The following USP6 variants were observed in gnomAD, a reference collection of about 807,000 sequenced individuals.
USP6 encodes the protein ubiquitin carboxyl-terminal hydrolase 6.
Under a neutral mutation model 175.7 loss-of-function variants are expected in USP6, and 128 were observed. The ratio of observed to expected loss-of-function variants is 0.73; its 90% confidence interval spans 0.63 to 0.84. The LOEUF is 0.84. USP6 is among the 40% of genes least tolerant of loss of function. The pLI, the probability that USP6 is intolerant of heterozygous loss-of-function variation, is 0.00. For synonymous variants in USP6, 562 were observed against 630.6 expected (o/e 0.89, Z 1.63); for missense variants, 1,498 against 1,760.3 (o/e 0.85, Z 2.67).
chr17:5,168,001 T>C lies in USP6; in HGVS notation c.3106T>C (p.Cys1036Arg). Residue 1036 changes from cysteine to arginine, a missense_variant, in exon 34 of 38, where the codon TGT becomes CGT. Around this residue, in one of 2 missense-constraint regions of USP6, gnomAD observed 1,217 missense variants for 1,500.8 expected, o/e 0.81. Coordinates refer to ENST00000574788, the MANE Select transcript of USP6 (RefSeq NM_001304284.2). ...AGCCGAGCCCATCAACCTGGACAGC[T>C]GTCTCCGTGCTTTCACCAGTGAGGA... Reference protein sequence around the residue: ...AQAEPINLDSCLRAFTSEEEL... With the variant: ...AQAEPINLDSRLRAFTSEEEL... 3.7e-6 allele frequency: 6 copies of C among 1,612,004 alleles called. No individual in the cohort carries two copies. The South Asian group carries it at 6.6e-5, about 18-fold the overall frequency.
At chr17:5,156,127 T>G (rs2073878742) in intron 31 of USP6, among the ~76,000 whole-genome samples, 1 of 152,196 alleles carries the variant, frequency 6.6e-6, no homozygotes, top group African/African-American at 2.4e-5. Flanking sequence ...TACCATGTCA[T>G]TTTAACGTGA....
At chr17:5,138,358 A>C in intron 21 of USP6, 85 bp downstream of exon 21, 1 of 1,593,934 alleles carries the variant, frequency 6.3e-7, no homozygotes, top group South Asian at 1.1e-5. Flanking sequence ...CAACCCTACT[A>C]CCTGGGCCTT....
chr17:5,142,110 A>G lies in USP6; in HGVS notation c.1681A>G (p.Ile561Val). ...CACACAGCCACTGACACAGTATTTT[A>G]TCTCAGGGAGACATCTTTATGAACT... ...SNTQPLTQYF[I>V]SGRHLYELNR... is the part of the protein sequence containing the mutation. The change falls in exon 24 of 38, where the codon ATC (isoleucine) becomes GTC (valine). Residue 561 changes from isoleucine to valine, a missense_variant. Coordinates refer to ENST00000574788, the MANE Select transcript of USP6 (RefSeq NM_001304284.2). The G allele has an allele frequency of 6.2e-7, 1 of 1,613,468 alleles. No homozygotes were observed.
chr17:5,132,728 G>A lies in USP6; in HGVS notation c.196-182G>A, dbSNP rs75729001. Among the ~76,000 whole-genome samples the A allele has an allele frequency of 1.3e-5, 2 of 152,180 alleles. No individual in the cohort carries two copies. Among genetic ancestry groups the A allele is most frequent in the South Asian group, 2.1e-4 (1 of 4,818 alleles). ...CTGTGGCCTGAGGATGGCATGTCCC[G>A]GGGTCCCAAAGCCAGCCCATTGGTG... On this transcript the variant is annotated intron_variant, in intron 12 of 37. Transcript: ENST00000574788. The surrounding 1 kb of genome is among the most constrained non-coding windows in gnomAD (Gnocchi z 4.7).
At chr17:5,140,181 T>A (rs2073402137) in intron 22 of USP6, among the ~76,000 whole-genome samples, 1 of 152,168 alleles carries the variant, frequency 6.6e-6, no homozygotes, top group African/African-American at 2.4e-5. Context: ...TGATTTTAGA[T>A]ATACAGAAAT....
intron 21 of USP6, 35 bp downstream of exon 21, chr17:5,138,308 C>T: frequency 6.2e-7 from 1 of 1,611,624 alleles, no homozygotes; most frequent in Non-Finnish European, 8.5e-7. Context: ...CCCATGTCAG[C>T]CTCTGGGGCA....
Position 5,173,380 on chromosome 17 carries a change from A to T in USP6, c.*402A>T. ...ACAATTATAATGTTGTCTAGGGACG[A>T]CATGATACGCTACCTCCTTTTTCCT... On this transcript the variant is annotated 3_prime_UTR_variant, in exon 38 of 38. Transcript: ENST00000574788. 4.3e-6 allele frequency: 1 copy of T among 230,556 alleles called. No homozygotes were observed. The highest frequency in any genetic ancestry group is 8.6e-6 in the Non-Finnish European group (1 of 116,556). 14.3% of individuals were successfully genotyped at this position (230,556 alleles called of 1,614,324 possible).
chr17:5,137,513 C>T (rs1183695329), intron 19 of USP6, 138 bp from the exon 20 acceptor site: 1 of 900,816 alleles, frequency 1.1e-6, no homozygotes, highest in African/African-American at 1.7e-5. Flanking sequence ...CCTTTTCTGA[C>T]TCAGCATTCT....
At position 5,132,540 on chromosome 17, in the gene USP6, A is replaced by C; in HGVS notation, c.195+105A>C. The C allele has an allele frequency of 1.3e-6, 2 of 1,588,370 alleles. No individual in the cohort carries two copies. The highest frequency in any genetic ancestry group is 1.7e-5 in the Admixed American group (1 of 59,960). ...GGCCTGGGCGGTGGCGGGTGAGGGC[A>C]ACACGCTGTCACTGGGAGGGGCAGC... On this transcript the variant is annotated intron_variant, in intron 12 of 37. Coordinates refer to ENST00000574788, the MANE Select transcript of USP6 (RefSeq NM_001304284.2). The surrounding 1 kb of genome is among the most constrained non-coding windows in gnomAD (Gnocchi z 4.7).
At chr17:5,119,361 A>G (rs557268239) in intron 2 of USP6, among the ~76,000 whole-genome samples, 140 of 152,362 alleles carry the variant, frequency 9.2e-4, no homozygotes, top group Non-Finnish European at 5.6e-4. Flanking sequence ...AGCTTCTGCT[A>G]CCTATAAAAG....
intron 22 of USP6, 95 bp downstream of exon 22, chr17:5,139,769 T>C: frequency 6.3e-7 from 1 of 1,595,984 alleles, no homozygotes; most frequent in Non-Finnish European, 8.5e-7. Flanking sequence ...GGATACCTCC[T>C]TTGCAGCTAG....
chr17:5,155,711 G>A (rs150556565), intron 31 of USP6, 105 bp downstream of exon 31: 123 of 1,081,950 alleles, frequency 1.1e-4, no homozygotes, highest in Middle Eastern at 1.1e-3. Context: ...CAAGTTTGGC[G>A]CCCAGCCAAA....
At chr17:5,153,134 T>C (rs1238231456) in intron 30 of USP6, among the ~76,000 whole-genome samples, 1 of 152,256 alleles carries the variant, frequency 6.6e-6, no homozygotes, top group Non-Finnish European at 1.5e-5. Context: ...AAGTGATTAC[T>C]GTAACATTTA....
chr17:5,119,220 C>A (rs1381189801), intron 2 of USP6, among the ~76,000 whole-genome samples: 7 of 152,202 alleles, frequency 4.6e-5, no homozygotes, highest in Non-Finnish European at 2.9e-5. Context: ...GGTTCTTTAG[C>A]TGTTTAAAAT....
chr17:5,140,558 G>A (rs1023234165), intron 22 of USP6, among the ~76,000 whole-genome samples: 6 of 152,188 alleles, frequency 3.9e-5, no homozygotes, highest in African/African-American at 1.2e-4. Context: ...GGGTGACAGA[G>A]TGAGACAATA....
Position 5,142,412 on chromosome 17 carries a change from T to G in USP6, c.1728T>G (p.Gly576=). The part of the protein sequence containing the change: ...LYELNRTNPI[G]MKGHMAKCYG... ...AAACTTCTAGGACAAATCCCATTGG[T>G]ATGAAGGGGCATATGGCTAAATGCT... Residue 576 remains glycine, a synonymous_variant, in exon 25 of 38, where the codon GGT becomes GGG. Transcript: ENST00000574788. 6.2e-7 allele frequency: 1 copy of G among 1,613,702 alleles called. No individual in the cohort carries two copies. The highest frequency in any genetic ancestry group is 8.5e-7 in the Non-Finnish European group (1 of 1,179,728).
At chr17:5,159,739 G>A (rs1044028648) in intron 31 of USP6, among the ~76,000 whole-genome samples, 4 of 152,118 alleles carry the variant, frequency 2.6e-5, no homozygotes, top group Non-Finnish European at 4.4e-5. Context: ...GAGGCAGGAG[G>A]ATCACTTGAG....
chr17:5,161,718 G>C (rs2074007466), intron 32 of USP6, 104 bp downstream of exon 32: 3 of 1,306,594 alleles, frequency 2.3e-6, no homozygotes, highest in Admixed American at 2.1e-5. Context: ...TGAATAATGA[G>C]AAACTTAAGA....
intron 6 of USP6, chr17:5,126,929 G>A (rs1395904325): frequency 6.6e-6 from 1 of 152,382 alleles, no homozygotes; most frequent in Non-Finnish European, 1.5e-5. Flanking sequence ...GACAAAGCTG[G>A]CGCAAGTGAC....
Sources: allele counts gnomAD v4.1 joint callset (sites outside exome capture counted in the v4.1 genomes callset), GRCh38; gene constraint gnomAD v4.1.1; regional missense constraint gnomAD v4.1.1; non-coding constraint Gnocchi (gnomAD v3.1); transcripts MANE v1.5; gene names NCBI Gene and HGNC (gene_info 2026-07-23, HGNC 2026-07-21).